Variants in FBXO34 observed in about 807,000 individuals in gnomAD.
FBXO34 encodes the protein F-box only protein 34.
Under a neutral mutation model 24.5 loss-of-function variants are expected in FBXO34, and 12 were observed. The observed-to-expected ratio is 0.49, with a 90% confidence interval of 0.31 to 0.79. The LOEUF is 0.79. Ranked by LOEUF, FBXO34 falls within the 30% of genes least tolerant of loss-of-function variation. FBXO34 has a pLI of 0.04. For synonymous variants in FBXO34, 320 were observed against 311.9 expected (o/e 1.03, Z -0.27); for missense variants, 823 against 857.7 (o/e 0.96, Z 0.51).
At chr14:55,401,001 AT>A in the FBXO34 span, among the ~76,000 whole-genome samples, 1 of 152,088 alleles carries the variant, frequency 6.6e-6, no homozygotes, top group Non-Finnish European at 1.5e-5. Context: ...ATTGTGGGCA[AT>A]CCTCAAATTT....
chr14:55,382,184 C>T, the FBXO34 span: 27 of 1,613,946 alleles, frequency 1.7e-5, no homozygotes, highest in Admixed American at 5.0e-5. Context: ...GACACATCTG[C>T]GGGGTCTCTA....
chr14:55,413,982 A>G, the FBXO34 span: 2 of 519,530 alleles, frequency 3.8e-6, no homozygotes, highest in South Asian at 2.9e-5. Context: ...ATGTGGCCAA[A>G]GGAACAACTC....
chr14:55,351,556 T>C lies in FBXO34; in HGVS notation c.1166T>C (p.Leu389Ser), dbSNP rs1335133110. 6 of 1,614,152 alleles carry C rather than the reference T, an allele frequency of 3.7e-6. 1 individual carries two copies. In the South Asian group the frequency reaches 6.6e-5, roughly 18 times the overall value. ...AGTTTCCACATAGACAGTGCAGAGTTAGAGCCGGGTTCGCAAACTGCCGTG... is the reference window on the plus strand; with the variant it reads ...AGTTTCCACATAGACAGTGCAGAGTCAGAGCCGGGTTCGCAAACTGCCGTG... ...GVSFHIDSAELEPGSQTAVKN... is the reference protein window; with the variant it reads ...GVSFHIDSAESEPGSQTAVKN... Residue 389 changes from leucine to serine, a missense_variant, in exon 2 of 2, where the codon TTA (leucine) becomes TCA (serine). Around this residue, in one of 2 missense-constraint regions of FBXO34, gnomAD observed 693 missense variants for 659.1 expected, o/e 1.05. Coordinates refer to ENST00000313833, the MANE Select transcript of FBXO34 (RefSeq NM_017943.4).
chr14:55,356,460 T>G (rs1884524294), downstream of FBXO34, among the ~76,000 whole-genome samples: 1 of 152,124 alleles, frequency 6.6e-6, no homozygotes. Flanking sequence ...TTGGTTTGTT[T>G]GTTTTGAGAT....
At chr14:55,396,651 T>C in the FBXO34 span, among the ~76,000 whole-genome samples, 418 of 151,924 alleles carry the variant, frequency 2.8e-3, 3 homozygotes, top group African/African-American at 9.6e-3. Context: ...ACCTTGAGAG[T>C]TGGGCAGGGC....
At chr14:55,413,607 T>C in the FBXO34 span, 1 of 446,644 alleles carries the variant, frequency 2.2e-6, no homozygotes, top group South Asian at 1.9e-5. Context: ...GCTCCCTCCA[T>C]TGGTTCTAAG....
Position 55,350,627 on chromosome 14 carries a change from A to C in FBXO34, c.237A>C (p.Val79=), listed in dbSNP as rs1884322545. The C allele has an allele frequency of 1.2e-6, 2 of 1,613,540 alleles. No homozygotes were observed. The highest frequency in any genetic ancestry group is 1.3e-5 in the African/African-American group (1 of 74,984). The change falls in exon 2 of 2, where the codon GTA becomes GTC. Residue 79 remains valine, a synonymous_variant. Coordinates refer to ENST00000313833, the MANE Select transcript of FBXO34 (RefSeq NM_017943.4). The stretch of plus-strand genomic sequence containing the variant: ...GCAGTATGAGTGGGAAGAGTCCTGT[A>C]GAGAGCAGCTTGAATGTTAAAACCA... ...VLCSMSGKSP[V]ESSLNVKTKK... is the part of the protein sequence containing the mutation.
the FBXO34 span, among the ~76,000 whole-genome samples, chr14:55,422,353 C>T: frequency 6.6e-6 from 1 of 152,134 alleles, no homozygotes; most frequent in African/African-American, 2.4e-5. Context: ...TCAAGCGATT[C>T]TCCTGCCTCA....
Position 55,352,075 on chromosome 14 carries a change from G to A in FBXO34, c.1685G>A (p.Arg562Lys). The stretch of plus-strand genomic sequence containing the variant: ...GTGTCGCATGACTTCCTGGAGACCA[G>A]GTTTAAAATCCAGCAGCTTTTGGAG... Reference protein sequence around the residue: ...KQVSHDFLETRFKIQQLLEPQ... With the variant: ...KQVSHDFLETKFKIQQLLEPQ... Residue 562 changes from arginine (R) to lysine (K), a missense_variant, in exon 2 of 2, where the codon AGG becomes AAG. Coordinates refer to ENST00000313833, the MANE Select transcript of FBXO34 (RefSeq NM_017943.4). The A allele has an allele frequency of 6.2e-7, 1 of 1,614,188 alleles. No homozygotes were observed. Among genetic ancestry groups the A allele is most frequent in the Non-Finnish European group, 8.5e-7 (1 of 1,180,034 alleles).
the FBXO34 span, chr14:55,411,910 G>A: frequency 2.4e-6 from 3 of 1,275,646 alleles, no homozygotes; most frequent in African/African-American, 3.0e-5. Context: ...GGGAAGGGGG[G>A]CTGGGATGCC....
chr14:55,388,616 A>T, the FBXO34 span, among the ~76,000 whole-genome samples: 7 of 152,352 alleles, frequency 4.6e-5, no homozygotes, highest in South Asian at 1.4e-3. Flanking sequence ...AAGTCAAAAG[A>T]TTCTAGAGAA....
At chr14:55,297,380 C>G (rs1365405037) in intron 1 of FBXO34, among the ~76,000 whole-genome samples, 1 of 152,176 alleles carries the variant, frequency 6.6e-6, no homozygotes, top group Non-Finnish European at 1.5e-5. Context: ...ATTTGGTGCC[C>G]TAAGTTAACA....
the FBXO34 span, chr14:55,386,121 C>A: frequency 1.3e-6 from 2 of 1,578,120 alleles, no homozygotes; most frequent in Non-Finnish European, 8.7e-7. Flanking sequence ...TCACACCCAA[C>A]AATTATCTCT....
intron 1 of FBXO34, among the ~76,000 whole-genome samples, chr14:55,283,402 A>G (rs1881628002): frequency 6.6e-6 from 1 of 152,102 alleles, no homozygotes; most frequent in Non-Finnish European, 1.5e-5. Context: ...TTCTTTTAGC[A>G]TAATTTTACA....
the FBXO34 span, among the ~76,000 whole-genome samples, chr14:55,405,379 G>A: frequency 6.6e-6 from 1 of 152,148 alleles, no homozygotes; most frequent in African/African-American, 2.4e-5. Context: ...ATGCATTTCT[G>A]TTTCCTGGCA....
chr14:55,300,080 C>A (rs1882295677), intron 1 of FBXO34, among the ~76,000 whole-genome samples: 2 of 152,034 alleles, frequency 1.3e-5, no homozygotes, highest in South Asian at 4.1e-4. Context: ...ACCATTATCA[C>A]CCCTTCATTC....
the FBXO34 span, chr14:55,411,916 A>G: frequency 8.1e-7 from 1 of 1,236,478 alleles, no homozygotes; most frequent in Non-Finnish European, 1.1e-6. Context: ...GGGGGCTGGG[A>G]TGCCGGCGAG....
the FBXO34 span, among the ~76,000 whole-genome samples, chr14:55,409,297 G>A: frequency 6.6e-6 from 1 of 152,206 alleles, no homozygotes; most frequent in Admixed American, 6.5e-5. Flanking sequence ...GTTTGGGAAA[G>A]AGGGACAGAG....
chr14:55,340,508 A>G (rs754634655), intron 1 of FBXO34, among the ~76,000 whole-genome samples: 5 of 151,914 alleles, frequency 3.3e-5, no homozygotes, highest in Admixed American at 6.6e-5. Flanking sequence ...TGGTATCCCA[A>G]AGTGCTGGGA....
Sources: allele counts gnomAD v4.1 joint callset (sites outside exome capture counted in the v4.1 genomes callset), GRCh38; gene constraint gnomAD v4.1.1; regional missense constraint gnomAD v4.1.1; transcripts MANE v1.5; gene names NCBI Gene and HGNC (gene_info 2026-07-23, HGNC 2026-07-21).